CCPG1: variants seen among roughly 807,000 people sequenced by gnomAD.
CCPG1 encodes the protein cell cycle progression protein 1.
CCPG1 carries 46 observed loss-of-function variants against 81.3 expected under a neutral mutation model. The observed-to-expected ratio is 0.57, with a 90% CI of 0.45 to 0.72. CCPG1 has a LOEUF of 0.72. Ranked by LOEUF, CCPG1 falls within the 30% of genes least tolerant of loss-of-function variation. The pLI is 0.00. For missense variants in CCPG1, 902 were observed against 937.6 expected, an observed-to-expected ratio of 0.96 and a Z score of 0.50; for synonymous variants, 330 against 305.2, an observed-to-expected ratio of 1.08 and a Z score of -0.85.
chr15:55,391,420 C>A (rs889069587), intron 1 of CCPG1, among the ~76,000 whole-genome samples: 3 of 152,182 alleles, frequency 2.0e-5, no homozygotes, highest in African/African-American at 7.2e-5. Context: ...CTGGCCTAAA[C>A]TGACTATATA....
chr15:55,367,166 T>G (rs1350697294), intron 6 of CCPG1, among the ~76,000 whole-genome samples: 1 of 152,196 alleles, frequency 6.6e-6, no homozygotes, highest in Non-Finnish European at 1.5e-5. Flanking sequence ...GCAAGCTTGT[T>G]TCAAAATTAC....
chr15:55,355,353 C>T lies in CCPG1; in HGVS notation c.*867G>A. The T allele has an allele frequency of 6.2e-7, 1 of 1,610,392 alleles. No homozygotes were observed. ...GCTGTTTTCTTCCACACTCACTTGC[C>T]AGAGGGTCGAATTGGAAGTCACATA... On this transcript the variant is annotated 3_prime_UTR_variant, in exon 9 of 9. Coordinates refer to ENST00000442196, the MANE Select transcript of CCPG1 (RefSeq NM_001204450.2).
At position 55,356,312 on chromosome 15, in the gene CCPG1, C is replaced by A; in HGVS notation, c.2332G>T (p.Gly778Cys). The change falls in exon 9 of 9, where the codon GGT (glycine) becomes TGT (cysteine). Residue 778 changes from glycine (G) to cysteine (C), a missense_variant. Around this residue, in one of 3 missense-constraint regions of CCPG1, gnomAD observed 128 missense variants for 161.2 expected, o/e 0.79. Coordinates refer to ENST00000442196, the MANE Select transcript of CCPG1 (RefSeq NM_001204450.2). ...HLQPQPYKRE[G>C]KWHKYGRTNG... Reference sequence around the variant, plus strand: ...GTGCGACCATATTTATGCCATTTACCTTCCCTTTTATAAGGCTGTGGCTGA... The same window carrying A: ...GTGCGACCATATTTATGCCATTTACATTCCCTTTTATAAGGCTGTGGCTGA... 1 of 1,535,594 alleles carries A rather than the reference C, an allele frequency of 6.5e-7. No individual in the cohort carries two copies. Among genetic ancestry groups the A allele is most frequent in the Admixed American group, 2.0e-5 (1 of 50,884 alleles).
intron 5 of CCPG1, chr15:55,373,020 T>C: frequency 1.9e-6 from 1 of 534,668 alleles, no homozygotes; most frequent in Non-Finnish European, 3.8e-6. Context: ...CATGAGGAAG[T>C]GACACAACAG....
intron 3 of CCPG1, among the ~76,000 whole-genome samples, chr15:55,381,285 TAAAAAAA>T (rs71105874): frequency 2.7e-5 from 4 of 147,918 alleles, no homozygotes; most frequent in South Asian, 4.3e-4. Flanking sequence ...AAATAAAAAA[TAAAAAAA>T]AAATAGCTGG....
chr15:55,366,836 T>C (rs1018303700), intron 6 of CCPG1, among the ~76,000 whole-genome samples: 4 of 152,114 alleles, frequency 2.6e-5, no homozygotes, highest in Non-Finnish European at 5.9e-5. Context: ...AAAATGTTAC[T>C]TTACTCAGAC....
intron 8 of CCPG1, chr15:55,357,094 C>T: frequency 1.0e-6 from 1 of 985,398 alleles, no homozygotes; most frequent in Non-Finnish European, 1.2e-6. Context: ...AATATACAGT[C>T]TCGGCAAAAG....
chr15:55,374,757 A>C (rs1277421667), intron 5 of CCPG1, among the ~76,000 whole-genome samples: 1 of 152,158 alleles, frequency 6.6e-6, no homozygotes, highest in Non-Finnish European at 1.5e-5. Context: ...CAGCCTCCAG[A>C]GTAGCTGGGA....
chr15:55,406,277 G>A (rs1200801122), intron 1 of CCPG1, among the ~76,000 whole-genome samples: 1 of 145,576 alleles, frequency 6.9e-6, no homozygotes, highest in Non-Finnish European at 1.5e-5. Context: ...AAATGATATA[G>A]AAACTCTCAA....
Position 55,365,277 on chromosome 15 carries a change from C to A in CCPG1, c.739G>T (p.Val247Phe). 6.4e-7 allele frequency: 1 copy of A among 1,552,270 alleles called. No homozygotes were observed. Among genetic ancestry groups the A allele is most frequent in the Non-Finnish European group, 8.8e-7 (1 of 1,133,006 alleles). ...TIQIQKRQQLVRKIHEDELND... is the reference protein window; with the variant it reads ...TIQIQKRQQLFRKIHEDELND... ...AATTCATCTTCATGTATCTTTCTGA[C>A]TAACTGTTGACGCTTCTGAATCTGA... Residue 247 changes from valine to phenylalanine, a missense_variant, in exon 7 of 9, where the codon GTC becomes TTC. Val to Phe is a conservative substitution (Grantham distance 50). This residue lies in a region of CCPG1 where 746 missense variants were observed against 728.6 expected (regional missense o/e 1.02). Transcript: ENST00000442196.
intron 1 of CCPG1, chr15:55,399,694 T>C (rs2057089975): frequency 6.6e-6 from 1 of 151,966 alleles, no homozygotes; most frequent in African/African-American, 2.4e-5. Context: ...CTTCAGAGAG[T>C]AATTCAAATT....
At chr15:55,367,289 C>G (rs551915517) in intron 6 of CCPG1, among the ~76,000 whole-genome samples, 2 of 152,236 alleles carry the variant, frequency 1.3e-5, no homozygotes, top group African/African-American at 4.8e-5. Context: ...CCTTTGCCCA[C>G]TGGAAAATAA....
chr15:55,401,939 A>G (rs2057137399), intron 1 of CCPG1, among the ~76,000 whole-genome samples: 1 of 152,152 alleles, frequency 6.6e-6, no homozygotes, highest in Non-Finnish European at 1.5e-5. Flanking sequence ...TTCTGAACAC[A>G]AAATGGACAA....
intron 5 of CCPG1, 187 bp from the exon 6 acceptor site, chr15:55,372,231 G>A (rs914244961): frequency 1.7e-6 from 1 of 599,790 alleles, no homozygotes; most frequent in African/African-American, 1.9e-5. Context: ...AAAACATAAA[G>A]CATTTCAAAT....
intron 6 of CCPG1, 32 bp downstream of exon 6, chr15:55,371,761 A>G: frequency 3.8e-6 from 6 of 1,599,276 alleles, no homozygotes; most frequent in Non-Finnish European, 5.1e-6. Flanking sequence ...CTATCCCATC[A>G]GGTTATGTAT....
rs1034171164 is a variant in CCPG1, at chr15:55,408,356, G to C, written c.-145C>G. The C allele has an allele frequency of 6.2e-6, 1 of 162,572 alleles. No individual in the cohort carries two copies. Among genetic ancestry groups the C allele is most frequent in the African/African-American group, 2.4e-5 (1 of 41,862 alleles). 10.1% of individuals were successfully genotyped at this position (162,572 alleles called of 1,614,324 possible). ...TGCAGCCGGCAGGCGGTGACCGGCT[G>C]GGCGCCGCAGTGCATGCCGTGACGC... is the stretch of plus-strand genomic sequence containing the variant. On this transcript the variant is annotated 5_prime_UTR_variant, in exon 1 of 9. Coordinates refer to ENST00000442196, the MANE Select transcript of CCPG1 (RefSeq NM_001204450.2).
intron 1 of CCPG1, among the ~76,000 whole-genome samples, chr15:55,397,036 CA>C (rs199503799): frequency 2.6e-5 from 4 of 151,834 alleles, no homozygotes. Context: ...TCTGTCTCTA[CA>C]AAAAAACACA....
At chr15:55,378,886 C>G (rs977078752) in intron 3 of CCPG1, among the ~76,000 whole-genome samples, 1 of 152,028 alleles carries the variant, frequency 6.6e-6, no homozygotes, top group Admixed American at 6.5e-5. Context: ...TATGAGCCAT[C>G]GTGCCCAGCC....
At chr15:55,385,866 T>A in intron 2 of CCPG1, 152 bp from the exon 3 acceptor site, 1 of 617,366 alleles carries the variant, frequency 1.6e-6, no homozygotes, top group African/African-American at 1.9e-5. Flanking sequence ...TTTGTTCAAT[T>A]TAGTCCACAA....
Sources: allele counts gnomAD v4.1 joint callset (sites outside exome capture counted in the v4.1 genomes callset), GRCh38; gene constraint gnomAD v4.1.1; regional missense constraint gnomAD v4.1.1; transcripts MANE v1.5; gene names NCBI Gene and HGNC (gene_info 2026-07-23, HGNC 2026-07-21).